ADAM32: variants seen among roughly 807,000 people sequenced by gnomAD.
ADAM32 encodes the protein disintegrin and metalloproteinase domain-containing protein 32.
ADAM32 carries 89 observed loss-of-function variants against 114.9 expected under a neutral mutation model. The ratio of observed to expected loss-of-function variants is 0.77; its 90% CI spans 0.65 to 0.92. ADAM32 has a LOEUF of 0.92. Ranked by LOEUF, ADAM32 falls within the 40% of genes least tolerant of loss-of-function variation. The probability of loss-of-function intolerance (pLI) is 0.00; values close to 1 mark genes in which losing one functional copy is unlikely to be tolerated. For missense variants in ADAM32, 870 were observed against 932.8 expected (o/e 0.93, Z 0.88); for synonymous variants, 285 against 307.5 (o/e 0.93, Z 0.77).
chr8:39,137,738 G>A (rs925955154), intron 3 of ADAM32, among the ~76,000 whole-genome samples: 2 of 147,908 alleles, frequency 1.4e-5, no homozygotes, highest in East Asian at 2.0e-4. Flanking sequence ...GCCACTGCAC[G>A]CCAGCCTGGG....
intron 6 of ADAM32, chr8:39,158,568 G>C: frequency 2.9e-6 from 1 of 346,886 alleles, no homozygotes; most frequent in South Asian, 2.8e-5. Flanking sequence ...TCCCAGGAAA[G>C]CTGTGAGGTG....
chr8:39,218,392 C>T (rs552943430), intron 12 of ADAM32, among the ~76,000 whole-genome samples: 1 of 152,172 alleles, frequency 6.6e-6, no homozygotes, highest in Non-Finnish European at 1.5e-5. Flanking sequence ...TCACTCAAGG[C>T]CCTGGAGCTC....
At chr8:39,114,550 C>CT (rs1840297575) in intron 1 of ADAM32, among the ~76,000 whole-genome samples, 1 of 152,192 alleles carries the variant, frequency 6.6e-6, no homozygotes, top group Non-Finnish European at 1.5e-5. Flanking sequence ...CCAAGGATCT[C>CT]TGTAGGTGAA....
intron 1 of ADAM32, among the ~76,000 whole-genome samples, chr8:39,114,711 T>A (rs1379839636): frequency 6.6e-6 from 1 of 152,248 alleles, no homozygotes; most frequent in African/African-American, 2.4e-5. Context: ...AGTTTTATTT[T>A]ATTTTTTCTT....
chr8:39,224,805 G>A (rs531265987), intron 14 of ADAM32, among the ~76,000 whole-genome samples: 2 of 152,276 alleles, frequency 1.3e-5, no homozygotes, highest in South Asian at 4.1e-4. Context: ...TATTTATGAA[G>A]GATAATAGTC....
intron 11 of ADAM32, among the ~76,000 whole-genome samples, chr8:39,203,353 T>C (rs11784560): frequency 0.25 from 37,534 of 152,008 alleles, 4,988 homozygotes; most frequent in Non-Finnish European, 0.29. Context: ...TAGTTAGCTC[T>C]TCTTGTTGAA....
chr8:39,168,664 A>G (rs1805003942), intron 9 of ADAM32: 1 of 152,104 alleles, frequency 6.6e-6, no homozygotes, highest in Non-Finnish European at 1.5e-5. Context: ...CCCAACTTTT[A>G]GTCTGCTAGA....
At chr8:39,138,456 G>C in intron 3 of ADAM32, among the ~76,000 whole-genome samples, 1 of 152,098 alleles carries the variant, frequency 6.6e-6, no homozygotes, top group East Asian at 1.9e-4. Context: ...AGTTTGCTTA[G>C]AATGATGGTT....
chr8:39,160,559 AAAAAAAAAAAATCCT>A (rs1279953481), intron 6 of ADAM32, among the ~76,000 whole-genome samples: 3 of 151,432 alleles, frequency 2.0e-5, no homozygotes, highest in Non-Finnish European at 4.4e-5. Context: ...AAAAAAAAAA[AAAAAAAAAAAATCCT>A]CCACACACAT....
rs2129446009 is a variant in ADAM32 at position 39,160,948 on chromosome 8, G to A, written c.577G>A (p.Val193Met). The A allele has an allele frequency of 6.3e-7, 1 of 1,595,868 alleles. No homozygotes were observed. Among genetic ancestry groups the A allele is most frequent in the South Asian group, 1.2e-5 (1 of 86,168 alleles). ...TCCTCTTTATCTAGAAATGCATATT[G>A]TGGTGGACAAAACTTTGGTATGTGT... The part of the protein sequence containing the change: ...LFPLYLEMHI[V>M]VDKTLYDYWG... Residue 193 changes from valine (V) to methionine (M), a missense_variant, in exon 7 of 25, where the codon GTG becomes ATG. Physicochemically the swap from Val to Met is conservative, Grantham distance 21. Coordinates refer to ENST00000379907, the MANE Select transcript of ADAM32 (RefSeq NM_145004.7).
At chr8:39,123,767 C>G (rs994882534) in intron 2 of ADAM32, among the ~76,000 whole-genome samples, 12 of 143,238 alleles carry the variant, frequency 8.4e-5, no homozygotes, top group Non-Finnish European at 1.5e-4. Context: ...AGTGCAGTGG[C>G]GCGATCTTGG....
intron 17 of ADAM32, among the ~76,000 whole-genome samples, chr8:39,247,922 T>C (rs1389683303): frequency 2.0e-5 from 3 of 152,076 alleles, no homozygotes; most frequent in Non-Finnish European, 2.9e-5. Context: ...TTTTGATGTC[T>C]AGCTAGTACC....
chr8:39,157,838 C>T, intron 6 of ADAM32: 2 of 705,942 alleles, frequency 2.8e-6, no homozygotes, highest in Non-Finnish European at 4.8e-6. Context: ...AGGCACTGAT[C>T]AATTTGCCAT....
chr8:39,264,998 A>C (rs1585679522), intron 19 of ADAM32, among the ~76,000 whole-genome samples: 1 of 152,136 alleles, frequency 6.6e-6, no homozygotes, highest in South Asian at 2.1e-4. Context: ...TGTTAGGTCT[A>C]CTTGGTCAAG....
chr8:39,244,812 G>A (rs1465571803), intron 16 of ADAM32, among the ~76,000 whole-genome samples: 1 of 152,034 alleles, frequency 6.6e-6, no homozygotes, highest in African/African-American at 2.4e-5. Context: ...TAACAAACCT[G>A]CACGTTGTGC....
At chr8:39,209,702 G>A (rs972968212) in intron 11 of ADAM32, among the ~76,000 whole-genome samples, 1 of 152,188 alleles carries the variant, frequency 6.6e-6, no homozygotes, top group Non-Finnish European at 1.5e-5. Flanking sequence ...AGCACCTTAA[G>A]CTCAATTACG....
intron 1 of ADAM32, among the ~76,000 whole-genome samples, chr8:39,114,095 A>G (rs1048584557): frequency 6.6e-6 from 1 of 152,202 alleles, no homozygotes; most frequent in Non-Finnish European, 1.5e-5. Flanking sequence ...AACTTCGTTC[A>G]CCATTGATGG....
chr8:39,274,880 T>G (rs1450920210), intron 21 of ADAM32, among the ~76,000 whole-genome samples: 1 of 152,200 alleles, frequency 6.6e-6, no homozygotes, highest in Non-Finnish European at 1.5e-5. Context: ...GAGGTCATGT[T>G]TTACCCTCCT....
At chr8:39,173,843 G>A (rs79373770) in intron 10 of ADAM32, among the ~76,000 whole-genome samples, 1 of 147,998 alleles carries the variant, frequency 6.8e-6, no homozygotes, top group African/African-American at 2.5e-5. Context: ...TTTTTTTTTT[G>A]AGACAGGGTC....
Sources: gnomAD v4.1 joint callset for allele counts (sites outside exome capture counted in the v4.1 genomes callset) on GRCh38, gnomAD v4.1.1 for gene constraint, MANE v1.5 for transcripts, NCBI Gene and HGNC (gene_info 2026-07-23, HGNC 2026-07-21) for gene names.